Variants in NREP observed in about 807,000 individuals in gnomAD.
The protein encoded by NREP is neuronal regeneration related protein.
NREP carries 5 observed loss-of-function variants against 8.6 expected under a neutral mutation model. The ratio of observed to expected loss-of-function variants is 0.58; its 90% CI spans 0.30 to 1.22. The LOEUF is 1.22. NREP is among the 50% of genes most tolerant of loss of function. The pLI, the probability that NREP is intolerant of heterozygous loss-of-function variation, is 0.07. For missense variants in NREP, 86 were observed against 82.5 expected, an observed-to-expected ratio of 1.04 and a Z score of -0.17; for synonymous variants, 27 against 28.0, an observed-to-expected ratio of 0.96 and a Z score of 0.11.
chr5:111,756,427 A>G (rs543670054), intron 1 of NREP, among the ~76,000 whole-genome samples: 12 of 152,066 alleles, frequency 7.9e-5, no homozygotes, highest in Non-Finnish European at 1.6e-4. Context: ...CTCAACCTTT[A>G]TATTATCAGA....
At chr5:111,914,396 T>C (rs1476709091) in intron 2 of NREP, among the ~76,000 whole-genome samples, 3 of 152,154 alleles carry the variant, frequency 2.0e-5, no homozygotes. Flanking sequence ...CATTAGGTCA[T>C]AGCCTGTTCC....
intron 2 of NREP, among the ~76,000 whole-genome samples, chr5:111,749,959 A>G (rs899369802): frequency 6.6e-6 from 1 of 152,088 alleles, no homozygotes; most frequent in Non-Finnish European, 1.5e-5. Flanking sequence ...TAAGTGAGTG[A>G]GTGTGTGTGT....
chr5:111,881,931 C>A (rs1048612555), intron 2 of NREP, among the ~76,000 whole-genome samples: 1 of 152,216 alleles, frequency 6.6e-6, no homozygotes, highest in Non-Finnish European at 1.5e-5. Flanking sequence ...ACCTCTCCTC[C>A]TCCAAAGGAT....
chr5:111,787,793 T>G (rs542934039), intron 2 of NREP, among the ~76,000 whole-genome samples: 2 of 152,344 alleles, frequency 1.3e-5, no homozygotes, highest in African/African-American at 4.8e-5. Flanking sequence ...ATTTCTTATT[T>G]TTTACATTAA....
chr5:111,782,109 A>C (rs1751507408), intron 2 of NREP, among the ~76,000 whole-genome samples: 1 of 152,204 alleles, frequency 6.6e-6, no homozygotes, highest in Non-Finnish European at 1.5e-5. Context: ...TTAGCATAGC[A>C]CCTAATACTA....
intron 2 of NREP, among the ~76,000 whole-genome samples, chr5:111,790,346 ACTTTTTTTTT>A (rs1450418647): frequency 3.3e-5 from 2 of 59,720 alleles, no homozygotes; most frequent in African/African-American, 6.7e-5. Context: ...AAAAACCTTA[ACTTTTTTTTT>A]TTTTTTTTTT....
intron 2 of NREP, among the ~76,000 whole-genome samples, chr5:111,742,116 C>T (rs1257545598): frequency 1.3e-5 from 2 of 152,126 alleles, no homozygotes; most frequent in African/African-American, 2.4e-5. Context: ...GCATTAGCTT[C>T]GCTTCGGGTG....
intron 2 of NREP, among the ~76,000 whole-genome samples, chr5:111,789,948 T>C (rs1751701304): frequency 2.6e-5 from 4 of 152,032 alleles, no homozygotes. Flanking sequence ...AATAAATTTA[T>C]GTAGAGGAGA....
intron 2 of NREP, among the ~76,000 whole-genome samples, chr5:111,810,941 G>T (rs1263418378): frequency 2.0e-5 from 3 of 152,052 alleles, no homozygotes; most frequent in African/African-American, 7.2e-5. Flanking sequence ...GGCTTATCTG[G>T]TCAATACTCT....
upstream of NREP, among the ~76,000 whole-genome samples, chr5:111,761,032 G>C: frequency 6.6e-6 from 1 of 152,208 alleles, no homozygotes; most frequent in East Asian, 1.9e-4. Context: ...TGAAAGGTTA[G>C]TAGAAAAGTG....
chr5:111,841,666 A>C (rs2112949527), intron 2 of NREP, among the ~76,000 whole-genome samples: 1 of 152,100 alleles, frequency 6.6e-6, no homozygotes, highest in East Asian at 1.9e-4. Flanking sequence ...CTTAGGGCAC[A>C]CCCTTGAATT....
chr5:111,901,738 C>T (rs1265213901), intron 2 of NREP, among the ~76,000 whole-genome samples: 1 of 152,056 alleles, frequency 6.6e-6, no homozygotes, highest in Non-Finnish European at 1.5e-5. Flanking sequence ...CTCAGGAATA[C>T]ACTTAGCCAA....
chr5:111,954,324 G>C (rs1756249933), intron 2 of NREP, among the ~76,000 whole-genome samples: 1 of 152,074 alleles, frequency 6.6e-6, no homozygotes, highest in Non-Finnish European at 1.5e-5. Flanking sequence ...AGAAAAAAAA[G>C]AGAAATTTCT....
intron 2 of NREP, among the ~76,000 whole-genome samples, chr5:111,951,808 A>G (rs558192841): frequency 6.6e-6 from 1 of 152,230 alleles, no homozygotes; most frequent in South Asian, 2.1e-4. Context: ...TTCATTTTAA[A>G]TATCCTAGAG....
In NREP at chr5:111,929,756, A is replaced by G. The variant is rs917742233; in HGVS notation, c.135+45518T>C. Among the ~76,000 whole-genome samples, 12 of 152,166 alleles carry G rather than the reference A, an allele frequency of 7.9e-5. No individual in the cohort carries two copies. In the East Asian group the frequency reaches 1.2e-3, roughly 15 times the overall value. On this transcript the variant is annotated intron_variant, in intron 2 of 3. Coordinates refer to the NREP transcript ENST00000395634. ...TGGCAAACCATGTTTTCCATTCTCA[A>G]TCCTTTACTTGCTCTCTGAATGGTG...
At chr5:111,912,302 G>C (rs2112564636) in intron 2 of NREP, among the ~76,000 whole-genome samples, 1 of 152,046 alleles carries the variant, frequency 6.6e-6, no homozygotes, top group South Asian at 2.1e-4. Flanking sequence ...AAATGAGCTA[G>C]GGTCTGCCCT....
At position 111,911,213 on chromosome 5, in the gene NREP, A is replaced by T. The variant is rs547785903; in HGVS notation, c.135+64061T>A. The stretch of plus-strand genomic sequence containing the variant: ...CAATCTGGATATCACCCCTGTACCC[A>T]ATGTTCTTGATATCATATCTGCATC... On this transcript the variant is annotated intron_variant, in intron 2 of 3. Transcript: ENST00000395634. 1.5e-4 allele frequency among the ~76,000 whole-genome samples: 23 copies of T among 152,194 alleles called. 1 individual carries two copies. Among genetic ancestry groups the T allele is most frequent in the South Asian group, 8.3e-4 (4 of 4,816 alleles).
chr5:111,904,709 C>T (rs1343303170), intron 2 of NREP, among the ~76,000 whole-genome samples: 1 of 151,994 alleles, frequency 6.6e-6, no homozygotes, highest in East Asian at 1.9e-4. Context: ...CCTTGGAGAT[C>T]GACAGATGCT....
At chr5:111,960,338 T>C (rs189832903) in intron 2 of NREP, among the ~76,000 whole-genome samples, 83 of 152,314 alleles carry the variant, frequency 5.4e-4, no homozygotes, top group Non-Finnish European at 8.2e-4. Flanking sequence ...TCCTTTAAAA[T>C]GGCATTAATC....
Sources: allele counts gnomAD v4.1 joint callset (sites outside exome capture counted in the v4.1 genomes callset), GRCh38; gene constraint gnomAD v4.1.1; transcripts MANE v1.5; gene names NCBI Gene and HGNC (gene_info 2026-07-23, HGNC 2026-07-21).